Variants in FARP1 observed in about 807,000 individuals in gnomAD.
FARP1 encodes the protein FERM, ARH/RhoGEF and pleckstrin domain protein 1.
A neutral mutation model predicts 128.8 loss-of-function variants in FARP1; 52 were observed. The ratio of observed to expected loss-of-function variants is 0.40; its 90% CI spans 0.32 to 0.51. The LOEUF (loss-of-function observed/expected upper bound fraction) is 0.51. Among genes scored for constraint, FARP1 ranks in the 20% least tolerant of loss-of-function variants. The pLI, the probability that FARP1 is intolerant of heterozygous loss-of-function variation, is 0.45. For synonymous variants in FARP1, 580 were observed against 551.8 expected, an observed-to-expected ratio of 1.05 and a Z score of -0.72; for missense variants, 1,333 against 1,367.9, an observed-to-expected ratio of 0.97 and a Z score of 0.40.
At chr13:98,227,057 C>T (rs895387769) in intron 2 of FARP1, among the ~76,000 whole-genome samples, 8 of 152,232 alleles carry the variant, frequency 5.3e-5, no homozygotes, top group East Asian at 1.9e-4. Context: ...TCTCTAGCCT[C>T]AGCCTCCTGA....
At chr13:98,403,997 TCCACCA>T (rs922843665) in intron 13 of FARP1, 38 of 150,324 alleles carry the variant, frequency 2.5e-4, no homozygotes, top group African/African-American at 7.0e-4. Context: ...AAACACTGCC[TCCACCA>T]CCACCACCAC....
intron 1 of FARP1, among the ~76,000 whole-genome samples, chr13:98,198,810 C>G (rs768365309): frequency 2.0e-5 from 3 of 146,558 alleles, no homozygotes; most frequent in Non-Finnish European, 4.5e-5. Flanking sequence ...CCCAGGAGGC[C>G]AAGATTGCAG....
At chr13:98,447,973 G>A (rs752819742) in intron 26 of FARP1, 18 of 503,858 alleles carry the variant, frequency 3.6e-5, no homozygotes, top group African/African-American at 2.7e-4. Flanking sequence ...AGGCCACCTC[G>A]CTCCTAACTG....
chr13:98,443,001 G>A (rs1892591576), intron 24 of FARP1, among the ~76,000 whole-genome samples: 1 of 152,106 alleles, frequency 6.6e-6, no homozygotes, highest in South Asian at 2.1e-4. Context: ...CTGCAGCCCA[G>A]CTTTTTTGGA....
chr13:98,153,198 A>G (rs1803022792), intron 1 of FARP1, among the ~76,000 whole-genome samples: 1 of 149,544 alleles, frequency 6.7e-6, no homozygotes, highest in African/African-American at 2.5e-5. Context: ...GATATGGGGA[A>G]ACCAGCGATT....
At chr13:98,170,455 C>T (rs1027641141) in intron 1 of FARP1, among the ~76,000 whole-genome samples, 1 of 152,226 alleles carries the variant, frequency 6.6e-6, no homozygotes, top group African/African-American at 2.4e-5. Context: ...CTCCCGGGTT[C>T]AAGCAATTCT....
chr13:98,331,377 C>T (rs1245723885), intron 2 of FARP1, among the ~76,000 whole-genome samples: 3 of 152,116 alleles, frequency 2.0e-5, no homozygotes, highest in East Asian at 1.9e-4. Context: ...GTTTCTTAGT[C>T]GTTTCCTCAT....
chr13:98,287,272 C>G lies in FARP1; in HGVS notation c.172-56490C>G, dbSNP rs1028802864. 2.5e-5 allele frequency among the ~76,000 whole-genome samples: 3 copies of G among 121,876 alleles called. No individual in the cohort carries two copies. In the Admixed American group the frequency reaches 3.0e-4, roughly 12 times the overall value. The allele number at this position is 121,876 out of a possible 152,430, so 80.0% of individuals were successfully genotyped here. ...TTGAGATGGAGTCTTGCTCTCTCTCCCAGGCTGGAGTGCAGTGGCTCAGTC... is the reference window on the plus strand; with the variant it reads ...TTGAGATGGAGTCTTGCTCTCTCTCGCAGGCTGGAGTGCAGTGGCTCAGTC... On this transcript the variant is annotated intron_variant, in intron 2 of 26. Coordinates refer to ENST00000319562, the MANE Select transcript of FARP1 (RefSeq NM_005766.4).
chr13:98,361,591 C>A (rs1888874731), intron 3 of FARP1, among the ~76,000 whole-genome samples: 1 of 152,194 alleles, frequency 6.6e-6, no homozygotes, highest in South Asian at 2.1e-4. Flanking sequence ...GGTTAACTCA[C>A]CCTCTCAGGC....
At chr13:98,241,227 C>CG (rs1019627981) in intron 2 of FARP1, among the ~76,000 whole-genome samples, 2 of 151,984 alleles carry the variant, frequency 1.3e-5, no homozygotes, top group Admixed American at 1.3e-4. Context: ...GTGGGTGTGG[C>CG]GGGCAGAGTT....
At chr13:98,401,994 C>G (rs1370914325) in intron 13 of FARP1, 2 of 152,108 alleles carry the variant, frequency 1.3e-5, no homozygotes, top group Non-Finnish European at 2.9e-5. Context: ...CATGTAGTCT[C>G]CAGATCAGGT....
At chr13:98,269,220 T>C (rs1211022765) in intron 2 of FARP1, among the ~76,000 whole-genome samples, 3 of 152,236 alleles carry the variant, frequency 2.0e-5, no homozygotes, top group Non-Finnish European at 4.4e-5. Flanking sequence ...CATCTAAATA[T>C]ATCTCCCTGC....
Position 98,394,659 on chromosome 13 carries a change from G to C in FARP1, c.1165-568G>C, listed in dbSNP as rs555547509. On this transcript the variant is annotated intron_variant, in intron 12 of 26. Transcript: ENST00000319562. ...ATAAAAAAATTTAAAAATTAGCCGG[G>C]TGTGGTGGCACATGCCTGTGGTCCT... Among the ~76,000 whole-genome samples the C allele has an allele frequency of 1.6e-4, 24 of 152,326 alleles. No homozygotes were observed. The South Asian group carries it at 5.0e-3, about 32-fold the overall frequency.
intron 5 of FARP1, among the ~76,000 whole-genome samples, chr13:98,371,895 TAGG>T (rs1400990498): frequency 6.6e-6 from 1 of 152,058 alleles, no homozygotes; most frequent in African/African-American, 2.4e-5. Flanking sequence ...TTGATATAGA[TAGG>T]AGATTAAATT....
Position 98,165,167 on chromosome 13 carries a change from ATTGAGCCATTGCACTCCAGCCTGGG to A in FARP1, c.-24+21677_-24+21701del, listed in dbSNP as rs1401086718. On this transcript the variant is annotated intron_variant, in intron 1 of 26. Coordinates refer to ENST00000319562, the MANE Select transcript of FARP1 (RefSeq NM_005766.4). ...GAGGTGGAGGTTGCAGTGAGCCGAG[ATTGAGCCATTGCACTCCAGCCTGGG>A]TGACAAAGCCAGACTCTGTCTCAAA... Among the ~76,000 whole-genome samples, 3 of 135,344 alleles carry A rather than the reference ATTGAGCCATTGCACTCCAGCCTGGG, an allele frequency of 2.2e-5. No homozygotes were observed. The East Asian group carries it at 7.4e-4, about 33-fold the overall frequency. 88.8% of individuals were successfully genotyped at this position (135,344 alleles called of 152,430 possible). A position where few individuals can be genotyped will look rare whatever the true frequency, so the allele number is the denominator to read the frequency against.
chr13:98,318,910 A>C (rs547412374), intron 2 of FARP1, among the ~76,000 whole-genome samples: 2 of 148,856 alleles, frequency 1.3e-5, no homozygotes, highest in African/African-American at 5.0e-5. Context: ...ATATGTCTTC[A>C]TATGTACCTG....
chr13:98,236,513 T>G (rs1882429033), intron 2 of FARP1, among the ~76,000 whole-genome samples: 1 of 152,028 alleles, frequency 6.6e-6, no homozygotes, highest in South Asian at 2.1e-4. Flanking sequence ...TTATGCAGAG[T>G]TTTAAAAATA....
At chr13:98,380,292 C>T (rs1048162934) in intron 6 of FARP1, among the ~76,000 whole-genome samples, 1 of 151,720 alleles carries the variant, frequency 6.6e-6, no homozygotes, top group African/African-American at 2.4e-5. Flanking sequence ...ACTAAAAATA[C>T]AAAAATTAGC....
chr13:98,255,054 T>G (rs1482856224), intron 2 of FARP1, among the ~76,000 whole-genome samples: 4 of 152,164 alleles, frequency 2.6e-5, no homozygotes, highest in African/African-American at 9.7e-5. Context: ...TGTGGCTTCA[T>G]TTGAGAAATG....
Sources: allele counts gnomAD v4.1 joint callset (sites outside exome capture counted in the v4.1 genomes callset), GRCh38; gene constraint gnomAD v4.1.1; transcripts MANE v1.5; gene names NCBI Gene and HGNC (gene_info 2026-07-23, HGNC 2026-07-21).